DLG2: variants seen among roughly 807,000 people sequenced by gnomAD.
DLG2 encodes discs large MAGUK scaffold protein 2.
DLG2 carries 45 observed loss-of-function variants against 132.5 expected under a neutral mutation model. That is an observed-to-expected ratio of 0.34 (90% CI 0.27 to 0.44). The LOEUF (loss-of-function observed/expected upper bound fraction) is 0.44, where lower values mean the gene tolerates loss of function less well. Ranked by LOEUF, DLG2 falls within the 20% of genes least tolerant of loss-of-function variation. The probability of loss-of-function intolerance (pLI) is 1.00; values close to 1 mark genes in which losing one functional copy is unlikely to be tolerated. For synonymous variants in DLG2, 424 were observed against 419.6 expected (o/e 1.01, Z -0.13); for missense variants, 1,045 against 1,196.9 (o/e 0.87, Z 1.87).
chr11:84,405,728 A>T (rs1360141614), intron 7 of DLG2, among the ~76,000 whole-genome samples: 7 of 152,168 alleles, frequency 4.6e-5, no homozygotes, highest in African/African-American at 1.7e-4. Context: ...GGGGAAAAAA[A>T]GCTAAAGAAG....
intron 7 of DLG2, among the ~76,000 whole-genome samples, chr11:84,410,869 C>A (rs542307643): frequency 6.6e-6 from 1 of 152,002 alleles, no homozygotes; most frequent in African/African-American, 2.4e-5. Flanking sequence ...CATGAGCCAC[C>A]GCACCCAGCC....
intron 3 of DLG2, among the ~76,000 whole-genome samples, chr11:85,298,673 G>T (rs891772822): frequency 1.3e-5 from 2 of 151,768 alleles, no homozygotes; most frequent in African/African-American, 4.8e-5. Context: ...TACCAATATT[G>T]GTAATATTGG....
intron 6 of DLG2, among the ~76,000 whole-genome samples, chr11:84,793,631 C>T (rs557422488): frequency 1.7e-4 from 26 of 152,258 alleles, no homozygotes; most frequent in African/African-American, 5.1e-4. Context: ...TCTTGCTGTA[C>T]GGACCCCTTT....
intron 15 of DLG2, among the ~76,000 whole-genome samples, chr11:83,881,569 T>C (rs2066274186): frequency 6.6e-6 from 1 of 152,222 alleles, no homozygotes; most frequent in Non-Finnish European, 1.5e-5. Context: ...CTGTGCATTG[T>C]GGCAAATCAT....
chr11:84,799,854 T>C (rs1266766536), intron 6 of DLG2, among the ~76,000 whole-genome samples: 3 of 152,190 alleles, frequency 2.0e-5, no homozygotes, highest in Non-Finnish European at 4.4e-5. Context: ...TTCATTTGTT[T>C]TTCTATTTTA....
At chr11:84,363,548 C>G in intron 7 of DLG2, among the ~76,000 whole-genome samples, 1 of 151,762 alleles carries the variant, frequency 6.6e-6, no homozygotes, top group Non-Finnish European at 1.5e-5. Flanking sequence ...TCTTCTGTTG[C>G]CATTGCTTTT....
chr11:84,866,127 T>G (rs1367742673), intron 6 of DLG2, among the ~76,000 whole-genome samples: 3 of 152,196 alleles, frequency 2.0e-5, no homozygotes, highest in East Asian at 3.9e-4. Flanking sequence ...CAGGGTAATC[T>G]CAAATTTCAA....
intron 6 of DLG2, among the ~76,000 whole-genome samples, chr11:84,627,384 A>G (rs908774115): frequency 6.6e-6 from 1 of 152,208 alleles, no homozygotes; most frequent in Non-Finnish European, 1.5e-5. Context: ...CTAATTTCCA[A>G]TTCCATTTCT....
intron 17 of DLG2, among the ~76,000 whole-genome samples, chr11:83,827,321 TTTAA>T (rs1163463808): frequency 3.3e-5 from 5 of 152,140 alleles, no homozygotes; most frequent in Non-Finnish European, 5.9e-5. Context: ...TCATATTCTG[TTTAA>T]TTAACTTGAA....
At chr11:83,874,262 A>G (rs72958300) in intron 16 of DLG2, among the ~76,000 whole-genome samples, 158 bp downstream of exon 16, 23 of 17,960 alleles carry the variant, frequency 1.3e-3, no homozygotes, top group African/African-American at 5.7e-3. Flanking sequence ...GAAGGAAGGA[A>G]AGAAGGAAGG....
At chr11:83,505,358 A>G (rs558896351) in intron 21 of DLG2, among the ~76,000 whole-genome samples, 1 of 152,300 alleles carries the variant, frequency 6.6e-6, no homozygotes, top group East Asian at 1.9e-4. Context: ...TGCTGAGCCC[A>G]TGCATAATCT....
chr11:85,393,680 T>C (rs1171863495), intron 3 of DLG2, among the ~76,000 whole-genome samples: 1 of 151,136 alleles, frequency 6.6e-6, no homozygotes, highest in Non-Finnish European at 1.5e-5. Flanking sequence ...TTGCAGCAAA[T>C]GTCATTATTT....
At chr11:84,431,179 A>C (rs1024032358) in intron 7 of DLG2, among the ~76,000 whole-genome samples, 8 of 152,204 alleles carry the variant, frequency 5.3e-5, no homozygotes, top group African/African-American at 1.9e-4. Context: ...TGATTTTATA[A>C]ACATAGTATA....
intron 7 of DLG2, among the ~76,000 whole-genome samples, chr11:84,335,264 G>A (rs2098478985): frequency 6.6e-6 from 1 of 151,404 alleles, no homozygotes; most frequent in Non-Finnish European, 1.5e-5. Context: ...AACAGAGGGA[G>A]GAAGGGAGGG....
chr11:84,460,992 G>A (rs766426188), intron 7 of DLG2, among the ~76,000 whole-genome samples: 2 of 150,532 alleles, frequency 1.3e-5, no homozygotes, highest in Non-Finnish European at 3.0e-5. Flanking sequence ...TAATCAGTTC[G>A]ACCTAAGGGC....
At chr11:85,066,599 CA>C (rs2064959529) in intron 6 of DLG2, among the ~76,000 whole-genome samples, 1 of 151,668 alleles carries the variant, frequency 6.6e-6, no homozygotes, top group Non-Finnish European at 1.5e-5. Flanking sequence ...ACACCATGAC[CA>C]ATTGGGTTTT....
intron 18 of DLG2, among the ~76,000 whole-genome samples, chr11:83,636,093 T>C (rs2153465934): frequency 6.6e-6 from 1 of 152,266 alleles, no homozygotes; most frequent in East Asian, 1.9e-4. Flanking sequence ...CCTTTATACC[T>C]TTGATGACTT....
At position 83,888,304 on chromosome 11, in the gene DLG2, T is replaced by C. The variant is rs1024671402; in HGVS notation, c.1497-13816A>G. ...AATCACAAGCATTCTTATACACAAA[T>C]AACAGACAAACAGAGAGCCAAATCA... On this transcript the variant is annotated intron_variant, in intron 15 of 27. Coordinates refer to ENST00000376104, the MANE Select transcript of DLG2 (RefSeq NM_001142699.3). Among the ~76,000 whole-genome samples the C allele has an allele frequency of 3.3e-5, 5 of 152,090 alleles. No homozygotes were observed. In the East Asian group the frequency reaches 5.8e-4, roughly 18 times the overall value.
intron 7 of DLG2, among the ~76,000 whole-genome samples, chr11:84,482,804 AT>A (rs1447551146): frequency 1.3e-5 from 2 of 152,158 alleles, no homozygotes; most frequent in Non-Finnish European, 2.9e-5. Context: ...GTAAGTGAAA[AT>A]AATAGGTGTT....
Sources: allele counts gnomAD v4.1 joint callset (sites outside exome capture counted in the v4.1 genomes callset), GRCh38; gene constraint gnomAD v4.1.1; transcripts MANE v1.5; gene names NCBI Gene and HGNC (gene_info 2026-07-23, HGNC 2026-07-21).